Variants in WWOX observed in about 807,000 individuals in gnomAD.
WWOX encodes the protein WW domain containing oxidoreductase.
In WWOX, 69 loss-of-function variants were observed where a neutral mutation model predicts 46.2. The observed-to-expected ratio is 1.49, with a 90% CI of 1.23 to 1.82. The LOEUF (loss-of-function observed/expected upper bound fraction) is 1.82, where lower values mean the gene tolerates loss of function less well. Among genes scored for constraint, WWOX ranks in the 40% most tolerant of loss-of-function variants. WWOX has a pLI of 0.00. For missense variants in WWOX, 919 were observed against 542.6 expected (o/e 1.69, Z -6.89); for synonymous variants, 359 against 202.6 (o/e 1.77, Z -6.56).
At chr16:78,694,730 T>C (rs1232140873) in intron 8 of WWOX, among the ~76,000 whole-genome samples, 1 of 152,232 alleles carries the variant, frequency 6.6e-6, no homozygotes, top group Non-Finnish European at 1.5e-5. Flanking sequence ...GATTGCTTTT[T>C]CTCATAAGAA....
intron 8 of WWOX, among the ~76,000 whole-genome samples, chr16:79,060,998 A>T (rs192112734): frequency 1.5e-4 from 23 of 152,330 alleles, no homozygotes; most frequent in African/African-American, 5.5e-4. Flanking sequence ...AAGCTTGCAC[A>T]GCTAGTAAAT....
intron 8 of WWOX, among the ~76,000 whole-genome samples, chr16:78,968,693 C>G (rs914523346): frequency 2.6e-5 from 4 of 152,292 alleles, no homozygotes; most frequent in African/African-American, 7.2e-5. Context: ...TGTGTCTTTT[C>G]TTTCTTCTTC....
chr16:78,222,675 C>T (rs562255608), intron 5 of WWOX, among the ~76,000 whole-genome samples: 1 of 152,130 alleles, frequency 6.6e-6, no homozygotes, highest in Non-Finnish European at 1.5e-5. Context: ...CCCATTGTTA[C>T]AAGAGGAAAT....
intron 8 of WWOX, among the ~76,000 whole-genome samples, chr16:78,441,057 G>A (rs1048604080): frequency 1.3e-5 from 2 of 151,992 alleles, no homozygotes; most frequent in Non-Finnish European, 2.9e-5. Context: ...ATTCTCCTGT[G>A]TCAGCCTCCT....
intron 8 of WWOX, among the ~76,000 whole-genome samples, chr16:79,058,229 A>G (rs1303892441): frequency 6.6e-6 from 1 of 151,876 alleles, no homozygotes; most frequent in African/African-American, 2.4e-5. Context: ...TCCTTCCAAG[A>G]TGTGTGATGG....
chr16:78,942,268 C>T (rs1388378841), intron 8 of WWOX, among the ~76,000 whole-genome samples: 4 of 152,134 alleles, frequency 2.6e-5, no homozygotes, highest in East Asian at 3.9e-4. Context: ...AGTTGTTCCT[C>T]GTGCTGCCAA....
At position 78,953,811 on chromosome 16, in the gene WWOX, G is replaced by A. The variant is rs564726461; in HGVS notation, c.1057-257797G>A. 1.9e-3 allele frequency among the ~76,000 whole-genome samples: 283 copies of A among 152,292 alleles called. 1 individual carries two copies. The highest frequency in any genetic ancestry group is 6.3e-3 in the African/African-American group (263 of 41,552). On this transcript the variant is annotated intron_variant, in intron 8 of 8. Transcript: ENST00000566780. ...TCAGATTCTACCTACCCTGAGGTTCGCAGCTGGGCATGATCGAGCCACTCT... is the reference window on the plus strand; with the variant it reads ...TCAGATTCTACCTACCCTGAGGTTCACAGCTGGGCATGATCGAGCCACTCT...
intron 5 of WWOX, among the ~76,000 whole-genome samples, chr16:78,359,017 T>G (rs2081355412): frequency 6.6e-6 from 1 of 152,132 alleles, no homozygotes; most frequent in South Asian, 2.1e-4. Context: ...CTGTTTTCCA[T>G]TTTTTCAGTC....
At chr16:78,113,587 C>T (rs2032614611) in intron 3 of WWOX, among the ~76,000 whole-genome samples, 1 of 152,114 alleles carries the variant, frequency 6.6e-6, no homozygotes, top group Non-Finnish European at 1.5e-5. Context: ...CTTTTCTGAG[C>T]CTGTTGCAGT....
intron 8 of WWOX, among the ~76,000 whole-genome samples, chr16:78,587,629 A>T (rs990484810): frequency 2.0e-5 from 3 of 152,144 alleles, no homozygotes; most frequent in African/African-American, 7.2e-5. Flanking sequence ...TGTTGGATCC[A>T]TAGGACATTT....
chr16:79,123,451 A>G (rs1424103), intron 8 of WWOX, among the ~76,000 whole-genome samples: 57,118 of 151,640 alleles, frequency 0.38, 11,542 homozygotes, highest in African/African-American at 0.51. Context: ...GTTTGTTGAG[A>G]CTCTTTTTCC....
intron 8 of WWOX, chr16:79,077,465 C>T (rs2048679252): frequency 6.6e-6 from 1 of 152,092 alleles, no homozygotes; most frequent in Non-Finnish European, 1.5e-5. Flanking sequence ...CTGAAAATGG[C>T]CTTTTAAAAT....
intron 8 of WWOX, among the ~76,000 whole-genome samples, chr16:79,058,512 G>C (rs995809533): frequency 2.0e-5 from 3 of 152,032 alleles, no homozygotes; most frequent in Non-Finnish European, 4.4e-5. Context: ...GAGGAAGGAA[G>C]GAAAGGAGGG....
At chr16:78,571,791 C>G (rs981325645) in intron 8 of WWOX, among the ~76,000 whole-genome samples, 2 of 152,068 alleles carry the variant, frequency 1.3e-5, no homozygotes, top group South Asian at 4.2e-4. Context: ...TCGCTGGAAC[C>G]CGGGAGACAG....
chr16:78,914,177 T>G (rs1237509212), intron 8 of WWOX, among the ~76,000 whole-genome samples: 1 of 152,098 alleles, frequency 6.6e-6, no homozygotes, highest in Non-Finnish European at 1.5e-5. Context: ...CCCATAACTC[T>G]ATTTTATTTC....
At chr16:78,236,388 T>C (rs1752528065) in intron 5 of WWOX, among the ~76,000 whole-genome samples, 1 of 152,178 alleles carries the variant, frequency 6.6e-6, no homozygotes, top group Non-Finnish European at 1.5e-5. Context: ...TTTGTGATGA[T>C]TTTGGCTTTT....
At chr16:78,947,633 C>T (rs1001352874) in intron 8 of WWOX, among the ~76,000 whole-genome samples, 1 of 152,136 alleles carries the variant, frequency 6.6e-6, no homozygotes, top group African/African-American at 2.4e-5. Flanking sequence ...CAGATAACCC[C>T]CGATCGTAAT....
Position 78,598,292 on chromosome 16 carries a change from C to A in WWOX, c.1056+165540C>A, listed in dbSNP as rs77461146. Among the ~76,000 whole-genome samples, 1,421 of 152,204 alleles carry A rather than the reference C, an allele frequency of 9.3e-3. 8 individuals are homozygous for A. Among genetic ancestry groups the A allele is most frequent in the Non-Finnish European group, 0.014 (984 of 68,022 alleles). ...ACATTGTGCTGTTAGGTTTAATAAA[C>A]GGATTGTGTTTTAAGATGTGTAAGA... On this transcript the variant is annotated intron_variant, in intron 8 of 8. Coordinates refer to ENST00000566780, the MANE Select transcript of WWOX (RefSeq NM_016373.4).
At chr16:78,937,275 A>G (rs950110576) in intron 8 of WWOX, among the ~76,000 whole-genome samples, 8 of 152,048 alleles carry the variant, frequency 5.3e-5, no homozygotes, top group Admixed American at 1.3e-4. Context: ...AATACAAGCA[A>G]CTGTTTACCC....
Sources: gnomAD v4.1 joint callset for allele counts (sites outside exome capture counted in the v4.1 genomes callset) on GRCh38, gnomAD v4.1.1 for gene constraint, MANE v1.5 for transcripts, NCBI Gene and HGNC (gene_info 2026-07-23, HGNC 2026-07-21) for gene names.